The following CFAP95 variants were observed in gnomAD, a reference collection of about 807,000 sequenced individuals.
CFAP95 encodes the protein cilia and flagella associated protein 95, also known as cilia- and flagella-associated protein 95.
At chr9:69,841,081 C>A in the CFAP95 span, among the ~76,000 whole-genome samples, 3 of 145,684 alleles carry the variant, frequency 2.1e-5, no homozygotes, top group South Asian at 2.2e-4. Flanking sequence ...TCTTTGCTTT[C>A]TTGGGCCCCT....
At chr9:69,886,784 A>T in the CFAP95 span, 1 of 1,340,028 alleles carries the variant, frequency 7.5e-7, no homozygotes, top group Non-Finnish European at 1.1e-6. Context: ...ATAAAAATGT[A>T]AAATATTTTT....
chr9:69,836,796 T>C, the CFAP95 span, among the ~76,000 whole-genome samples: 2 of 150,824 alleles, frequency 1.3e-5, no homozygotes, highest in African/African-American at 4.9e-5. Flanking sequence ...TAGTTACATA[T>C]GTATACATGT....
chr9:69,896,918 A>C, the CFAP95 span, among the ~76,000 whole-genome samples: 1 of 152,164 alleles, frequency 6.6e-6, no homozygotes, highest in South Asian at 2.1e-4. Context: ...AAATAAAAGA[A>C]ATAAAATATT....
the CFAP95 span, among the ~76,000 whole-genome samples, chr9:69,849,881 T>A: frequency 6.6e-6 from 1 of 152,210 alleles, no homozygotes. Context: ...GTAATAGCGT[T>A]CTAAACTATA....
the CFAP95 span, among the ~76,000 whole-genome samples, chr9:69,845,587 G>A: frequency 4.6e-5 from 7 of 152,174 alleles, no homozygotes; most frequent in Admixed American, 1.3e-4. Context: ...AGCTTAGCAT[G>A]GCAGTGCCAT....
the CFAP95 span, among the ~76,000 whole-genome samples, chr9:69,821,834 T>G: frequency 1.3e-5 from 2 of 152,086 alleles, no homozygotes; most frequent in African/African-American, 4.8e-5. Flanking sequence ...TTTGAAAGTC[T>G]TGGCCAGAGA....
the CFAP95 span, chr9:69,858,272 C>T: frequency 7.0e-5 from 26 of 372,436 alleles, no homozygotes; most frequent in Non-Finnish European, 1.5e-5. Context: ...CTGTCATGGT[C>T]ATTTGTGGAC....
the CFAP95 span, among the ~76,000 whole-genome samples, chr9:69,877,658 A>G: frequency 6.6e-6 from 1 of 152,176 alleles, no homozygotes; most frequent in African/African-American, 2.4e-5. Flanking sequence ...CCTTGCTGAA[A>G]CTTGCCTATT....
the CFAP95 span, among the ~76,000 whole-genome samples, chr9:69,853,819 C>A: frequency 2.6e-5 from 4 of 152,162 alleles, no homozygotes; most frequent in Non-Finnish European, 5.9e-5. Flanking sequence ...GAGACCAATT[C>A]CTTCCAGTTT....
the CFAP95 span, among the ~76,000 whole-genome samples, chr9:69,836,752 T>C: frequency 6.6e-6 from 1 of 150,698 alleles, no homozygotes; most frequent in East Asian, 1.9e-4. Flanking sequence ...TATTATACTT[T>C]AAGTTTTAGG....
At chr9:69,899,994 C>T in the CFAP95 span, among the ~76,000 whole-genome samples, 1 of 152,116 alleles carries the variant, frequency 6.6e-6, no homozygotes, top group Non-Finnish European at 1.5e-5. Context: ...TACAGGTGGT[C>T]CCTGACTTAC....
chr9:69,890,109 G>T, the CFAP95 span, among the ~76,000 whole-genome samples: 1 of 151,912 alleles, frequency 6.6e-6, no homozygotes, highest in East Asian at 1.9e-4. Context: ...TGCATTTCAG[G>T]TCCATTTTCT....
the CFAP95 span, among the ~76,000 whole-genome samples, chr9:69,873,510 C>T: frequency 3.9e-5 from 6 of 152,140 alleles, no homozygotes; most frequent in Non-Finnish European, 8.8e-5. Flanking sequence ...GCGGCCTCAC[C>T]TGCACAATGC....
the CFAP95 span, among the ~76,000 whole-genome samples, chr9:69,843,552 CTCCTCCTTCTTCTTCT>C: frequency 4.4e-3 from 111 of 25,474 alleles, 13 homozygotes; most frequent in South Asian, 0.023. Flanking sequence ...CCTCCTCCTC[CTCCTCCTTCTTCTTCT>C]TCTTCTTCTT....
At chr9:69,901,114 GTGTTTGGTTTTGTTT>G in the CFAP95 span, among the ~76,000 whole-genome samples, 1 of 151,450 alleles carries the variant, frequency 6.6e-6, no homozygotes, top group Admixed American at 6.6e-5. Flanking sequence ...AGAACATGTG[GTGTTTGGTTTTGTTT>G]TGTTTGGTTT....
chr9:69,850,290 CA>C, the CFAP95 span, among the ~76,000 whole-genome samples: 1 of 152,140 alleles, frequency 6.6e-6, no homozygotes, highest in East Asian at 1.9e-4. Flanking sequence ...GGCTCAATGC[CA>C]AGGCATTTTT....
chr9:69,871,333 A>G, the CFAP95 span, among the ~76,000 whole-genome samples: 2 of 152,182 alleles, frequency 1.3e-5, no homozygotes, highest in African/African-American at 4.8e-5. Context: ...TTGGAGAGAA[A>G]TATTGGGGCT....
At chr9:69,878,227 T>TAGAAA in the CFAP95 span, among the ~76,000 whole-genome samples, 3 of 152,230 alleles carry the variant, frequency 2.0e-5, no homozygotes, top group Non-Finnish European at 4.4e-5. Flanking sequence ...CTTTACCTTC[T>TAGAAA]AGTTGTACTG....
chr9:69,865,303 T>G, the CFAP95 span, among the ~76,000 whole-genome samples: 2 of 152,292 alleles, frequency 1.3e-5, no homozygotes, highest in South Asian at 2.1e-4. Flanking sequence ...TTTATAGCAC[T>G]GTGAGAATGA....
Sources: allele counts gnomAD v4.1 joint callset (sites outside exome capture counted in the v4.1 genomes callset), GRCh38; gene constraint gnomAD v4.1.1; transcripts MANE v1.5; gene names NCBI Gene and HGNC (gene_info 2026-07-23, HGNC 2026-07-21).